The following PHEX variants were observed in gnomAD, a reference collection of about 807,000 sequenced individuals.
PHEX encodes the protein phosphate-regulating neutral endopeptidase PHEX.
In PHEX, 16 loss-of-function variants were observed where a neutral mutation model predicts 68.0. That is an observed-to-expected ratio of 0.24 (90% CI 0.16 to 0.36). The LOEUF is 0.36. Ranked by LOEUF, PHEX falls within the 10% of genes least tolerant of loss-of-function variation. The pLI, the probability that PHEX is intolerant of heterozygous loss-of-function variation, is 1.00. For synonymous variants in PHEX, 208 were observed against 205.1 expected, an observed-to-expected ratio of 1.01 and a Z score of -0.12; for missense variants, 480 against 575.5, an observed-to-expected ratio of 0.83 and a Z score of 1.70.
chrX:22,194,187 T>C (rs1486542274), intron 15 of PHEX, among the ~76,000 whole-genome samples: 2 of 112,309 alleles, frequency 1.8e-5, no homozygotes, highest in African/African-American at 6.5e-5. Flanking sequence ...CAGAGGGTTT[T>C]TTTTAAAATG....
intron 20 of PHEX, among the ~76,000 whole-genome samples, chrX:22,234,538 A>G (rs1449415126): frequency 9.0e-6 from 1 of 110,543 alleles, no homozygotes; most frequent in African/African-American, 3.3e-5. Flanking sequence ...TCCCAGTTCA[A>G]ACTTCCTGGT....
chrX:22,135,162 G>A (rs771511551), intron 12 of PHEX, among the ~76,000 whole-genome samples: 1 of 111,797 alleles, frequency 8.9e-6, no homozygotes, highest in African/African-American at 3.3e-5. Context: ...GGAAGACAAA[G>A]AGTAGGTTTG....
At chrX:22,242,725 T>C (rs980260850) in intron 20 of PHEX, among the ~76,000 whole-genome samples, 9 of 111,684 alleles carry the variant, frequency 8.1e-5, no homozygotes, top group African/African-American at 2.9e-4. Flanking sequence ...TTACAAGGGA[T>C]GTGAAGGACC....
At chrX:22,214,961 A>C (rs1035161493) in intron 16 of PHEX, among the ~76,000 whole-genome samples, 2 of 111,644 alleles carry the variant, frequency 1.8e-5, no homozygotes, top group Non-Finnish European at 3.8e-5. Context: ...ATATATATAT[A>C]TCTAAAAAAT....
At chrX:22,099,321 G>A (rs751465972) in intron 9 of PHEX, 170 bp downstream of exon 9, 203 of 477,653 alleles carry the variant, frequency 4.2e-4, no homozygotes, top group Non-Finnish European at 6.3e-4. Context: ...ACTGTCTGGT[G>A]TAATTTACTT....
intron 5 of PHEX, among the ~76,000 whole-genome samples, chrX:22,078,636 C>G (rs1232607151): frequency 8.9e-6 from 1 of 111,781 alleles, no homozygotes; most frequent in Non-Finnish European, 1.9e-5. Flanking sequence ...ATCGTTTGAT[C>G]AGAGATTGGC....
At chrX:22,211,254 T>C (rs151034686) in intron 15 of PHEX, among the ~76,000 whole-genome samples, 2,877 of 111,778 alleles carry the variant, frequency 0.026, 84 homozygotes, top group African/African-American at 0.088. Flanking sequence ...AAATGTGGGG[T>C]CTCTTGTTCC....
At chrX:22,217,718 A>AAAGTT (rs1935136961) in intron 16 of PHEX, among the ~76,000 whole-genome samples, 1 of 111,799 alleles carries the variant, frequency 8.9e-6, no homozygotes, top group Admixed American at 9.5e-5. Context: ...ATGAGATGGT[A>AAAGTT]AAGTTAACTA....
At position 22,187,811 on chromosome X, in the gene PHEX, G is replaced by A. The variant is rs1207952142; in HGVS notation, c.1587-2633G>A. Among the ~76,000 whole-genome samples the A allele has an allele frequency of 4.5e-5, 5 of 111,804 alleles. No homozygotes were observed. In the Admixed American group the frequency reaches 4.8e-4, roughly 11 times the overall value. The stretch of plus-strand genomic sequence containing the variant: ...TTTTATGGAAATATGTCTAGGTTTC[G>A]GTTTTGAAGAGAGAAGAGGTGCTCT... On this transcript the variant is annotated intron_variant, in intron 14 of 21. Transcript: ENST00000379374.
chrX:22,245,955 A>C (rs1936379373), intron 21 of PHEX, among the ~76,000 whole-genome samples: 1 of 111,902 alleles, frequency 8.9e-6, no homozygotes, highest in Non-Finnish European at 1.9e-5. Flanking sequence ...ACAGTCAACC[A>C]GCAAACATGA....
chrX:22,098,229 A>G (rs1330566649), intron 8 of PHEX, among the ~76,000 whole-genome samples: 2 of 107,246 alleles, frequency 1.9e-5, no homozygotes, highest in African/African-American at 3.4e-5. Context: ...AATGTACCGT[A>G]TAGAGGAAGA....
rs917473804 is a variant in PHEX at position 22,141,739 on chromosome X, A to G, written c.1404+8115A>G. ...ATCTATGCTCATTTAAAAAATCTGGAAAATAAAGCACAACAGTAGAAAGAC... is the reference window on the plus strand; with the variant it reads ...ATCTATGCTCATTTAAAAAATCTGGGAAATAAAGCACAACAGTAGAAAGAC... On this transcript the variant is annotated intron_variant, in intron 12 of 21. Coordinates refer to ENST00000379374, the MANE Select transcript of PHEX (RefSeq NM_000444.6). Among the ~76,000 whole-genome samples the G allele has an allele frequency of 2.7e-5, 3 of 112,106 alleles. No homozygotes were observed. The South Asian group carries it at 1.1e-3, about 41-fold the overall frequency.
intron 20 of PHEX, among the ~76,000 whole-genome samples, chrX:22,228,202 T>G (rs5951729): frequency 0.086 from 9,640 of 112,034 alleles, 408 homozygotes; most frequent in East Asian, 0.24. Flanking sequence ...TGAGTCTCTG[T>G]CTAATGAGGC....
At chrX:22,247,766 C>G (rs770668374) in intron 21 of PHEX, 85 bp from the exon 22 acceptor site, 4 of 677,249 alleles carry the variant, frequency 5.9e-6, no homozygotes, top group Non-Finnish European at 9.6e-6. Flanking sequence ...AACCTTCTTT[C>G]TAGCAATATT....
intron 12 of PHEX, chrX:22,163,158 C>T (rs1450400893): frequency 8.9e-6 from 1 of 111,849 alleles, no homozygotes; most frequent in Admixed American, 9.5e-5. Flanking sequence ...TTGAGAAACC[C>T]TGGACTCGAG....
At chrX:22,097,366 T>C (rs1298475967) in intron 8 of PHEX, among the ~76,000 whole-genome samples, 5 of 112,363 alleles carry the variant, frequency 4.4e-5, no homozygotes, top group Non-Finnish European at 9.4e-5. Flanking sequence ...TCCATCCTAC[T>C]GTGTTTAGTG....
At position 22,048,622 on chromosome X, in the gene PHEX, C is replaced by T. The variant is rs898756687; in HGVS notation, c.349+1411C>T. Among the ~76,000 whole-genome samples the T allele has an allele frequency of 4.5e-5, 5 of 111,736 alleles. No individual in the cohort carries two copies. The South Asian group carries it at 1.1e-3, about 25-fold the overall frequency. Reference sequence around the variant, plus strand: ...TATATTCAGGACATGAAGTGGTTAACGATAACTTAAATAACTTTCCAGGGG... The same window carrying T: ...TATATTCAGGACATGAAGTGGTTAATGATAACTTAAATAACTTTCCAGGGG... On this transcript the variant is annotated intron_variant, in intron 3 of 21. Transcript: ENST00000379374.
chrX:22,068,945 ATGTGGTGAAACCCCG>A (rs1484426659), intron 3 of PHEX, among the ~76,000 whole-genome samples: 3 of 111,900 alleles, frequency 2.7e-5, no homozygotes, highest in African/African-American at 9.8e-5. Flanking sequence ...AGCCTGGCCA[ATGTGGTGAAACCCCG>A]ACTCTACTAA....
intron 13 of PHEX, 49 bp downstream of exon 13, chrX:22,168,438 G>A (rs1244690195): frequency 2.4e-6 from 2 of 827,083 alleles, no homozygotes; most frequent in East Asian, 3.1e-5. Flanking sequence ...AGTTTTACTG[G>A]CCTTGTGCCT....
Sources: gnomAD v4.1 joint callset for allele counts (sites outside exome capture counted in the v4.1 genomes callset) on GRCh38, gnomAD v4.1.1 for gene constraint, MANE v1.5 for transcripts, NCBI Gene and HGNC (gene_info 2026-07-23, HGNC 2026-07-21) for gene names.